The following NNMT variants were observed in gnomAD, a reference collection of about 807,000 sequenced individuals.
NNMT encodes the protein nicotinamide N-methyltransferase.
In NNMT, 10 loss-of-function variants were observed where a neutral mutation model predicts 11.7. The observed-to-expected ratio is 0.85, with a 90% CI of 0.53 to 1.45. The LOEUF (loss-of-function observed/expected upper bound fraction) is 1.45, where lower values mean the gene tolerates loss of function less well. Among genes scored for constraint, NNMT ranks in the 40% most tolerant of loss-of-function variants. The probability of loss-of-function intolerance (pLI) is 0.00; values close to 1 mark genes in which losing one functional copy is unlikely to be tolerated. For synonymous variants in NNMT, 143 were observed against 133.8 expected (o/e 1.07, Z -0.48); for missense variants, 381 against 319.4 (o/e 1.19, Z -1.47).
rs144681988 is a variant in NNMT, at chr11:114,272,985, G to A, written c.-130+10051G>A. 2.4e-4 allele frequency among the ~76,000 whole-genome samples: 37 copies of A among 152,298 alleles called. No homozygotes were observed. The East Asian group carries it at 3.7e-3, about 15-fold the overall frequency. Reference sequence around the variant, plus strand: ...TGAAGAGTAGCAGCAGAACCCAGGCGTGAATGAGCATGCTAAGTTCAATAG... The same window carrying A: ...TGAAGAGTAGCAGCAGAACCCAGGCATGAATGAGCATGCTAAGTTCAATAG... On this transcript the variant is annotated intron_variant, in intron 2 of 4. Coordinates refer to the NNMT transcript ENST00000535401.
intron 2 of NNMT, among the ~76,000 whole-genome samples, chr11:114,309,731 T>C (rs1945532413): frequency 6.6e-6 from 1 of 152,204 alleles, no homozygotes. Context: ...TTTTACAACA[T>C]TTTCATAATT....
At chr11:114,288,024 C>T (rs1406794672) in intron 2 of NNMT, among the ~76,000 whole-genome samples, 1 of 152,100 alleles carries the variant, frequency 6.6e-6, no homozygotes, top group Non-Finnish European at 1.5e-5. Context: ...TTTTAAATTT[C>T]ATTGTATAGC....
chr11:114,261,900 G>A (rs1367996586), intron 1 of NNMT, among the ~76,000 whole-genome samples: 1 of 152,160 alleles, frequency 6.6e-6, no homozygotes, highest in Non-Finnish European at 1.5e-5. Context: ...GATACGCGAG[G>A]CCTCATCTTG....
intron 2 of NNMT, chr11:114,269,551 A>G (rs533893182): frequency 6.6e-6 from 1 of 152,388 alleles, no homozygotes; most frequent in Admixed American, 6.5e-5. Flanking sequence ...CTCATCCCTT[A>G]TAAATTTGAC....
intron 2 of NNMT, among the ~76,000 whole-genome samples, chr11:114,288,374 T>C (rs1945312972): frequency 6.6e-6 from 1 of 152,186 alleles, no homozygotes; most frequent in African/African-American, 2.4e-5. Flanking sequence ...ATTAAGGAAG[T>C]CTTATTCTAT....
chr11:114,290,212 C>T (rs1324863031), intron 2 of NNMT, among the ~76,000 whole-genome samples: 1 of 152,140 alleles, frequency 6.6e-6, no homozygotes, highest in Non-Finnish European at 1.5e-5. Context: ...TCCATTAAAT[C>T]AAGTTGGTTA....
exon 1 of NNMT, chr11:114,257,859 C>G (rs545610541): frequency 6.5e-6 from 1 of 152,808 alleles, no homozygotes; most frequent in Non-Finnish European, 1.5e-5. Flanking sequence ...CGCGGCGGCG[C>G]GGGCGCTGGG....
At chr11:114,282,911 C>T (rs146839655) in intron 2 of NNMT, among the ~76,000 whole-genome samples, 12 of 152,342 alleles carry the variant, frequency 7.9e-5, no homozygotes, top group African/African-American at 2.9e-4. Flanking sequence ...CTCACTGATA[C>T]TGATATGCAT....
intron 2 of NNMT, among the ~76,000 whole-genome samples, chr11:114,267,640 T>C (rs1945132013): frequency 6.6e-6 from 1 of 152,238 alleles, no homozygotes; most frequent in Admixed American, 6.5e-5. Flanking sequence ...TCATCCAGAT[T>C]CTGCCACACT....
chr11:114,300,794 T>C (rs1945430895), intron 2 of NNMT, among the ~76,000 whole-genome samples: 1 of 152,208 alleles, frequency 6.6e-6, no homozygotes, highest in Non-Finnish European at 1.5e-5. Context: ...TTTCCAGCAA[T>C]GTATTTGTCT....
At position 114,263,755 on chromosome 11, in the gene NNMT, C is replaced by A. The variant is rs193150893; in HGVS notation, c.-130+821C>A. Among the ~76,000 whole-genome samples, 406 of 152,332 alleles carry A rather than the reference C, an allele frequency of 2.7e-3. 2 individuals are homozygous for A. The highest frequency in any genetic ancestry group is 9.5e-3 in the African/African-American group (394 of 41,560). ...AAAGGCAGAAGCCTGGACTTCCTCC[C>A]CTAAGCTAAACTTTGGAATAAAGTC... On this transcript the variant is annotated intron_variant, in intron 2 of 4. Coordinates refer to the NNMT transcript ENST00000535401.
At chr11:114,271,874 T>A (rs999541461) in intron 2 of NNMT, among the ~76,000 whole-genome samples, 4 of 148,358 alleles carry the variant, frequency 2.7e-5, no homozygotes, top group Non-Finnish European at 6.0e-5. Flanking sequence ...TAGAAGAGAG[T>A]GCAGTACAGT....
chr11:114,305,456 G>A (rs1054443505), intron 2 of NNMT, among the ~76,000 whole-genome samples: 2 of 151,442 alleles, frequency 1.3e-5, no homozygotes, highest in Non-Finnish European at 2.9e-5. Context: ...CCATTAACTC[G>A]TCATTTACAT....
intron 1 of NNMT, chr11:114,257,910 TTG>T (rs1945043368): frequency 6.6e-6 from 1 of 152,574 alleles, no homozygotes; most frequent in African/African-American, 2.4e-5. Context: ...TGAATGGGCT[TTG>T]TGTGACCGCC....
At chr11:114,304,715 A>C (rs1159641765) in intron 2 of NNMT, among the ~76,000 whole-genome samples, 1 of 152,118 alleles carries the variant, frequency 6.6e-6, no homozygotes, top group Non-Finnish European at 1.5e-5. Flanking sequence ...AGTGGTGCAC[A>C]CCCGTATTCC....
At chr11:114,309,051 T>A (rs1195208139) in intron 2 of NNMT, among the ~76,000 whole-genome samples, 1 of 152,194 alleles carries the variant, frequency 6.6e-6, no homozygotes, top group Non-Finnish European at 1.5e-5. Flanking sequence ...TCTGCTTCTG[T>A]TGGAATCAAA....
intron 2 of NNMT, 53 bp from the exon 3 acceptor site, chr11:114,311,992 G>T (rs1945552958): frequency 6.6e-7 from 1 of 1,514,860 alleles, no homozygotes; most frequent in Admixed American, 2.2e-5. Flanking sequence ...CAAGAGATCT[G>T]GGTTCCCCAT....
chr11:114,275,513 C>T (rs561240657), intron 2 of NNMT, among the ~76,000 whole-genome samples: 11 of 152,226 alleles, frequency 7.2e-5, no homozygotes, highest in Admixed American at 2.0e-4. Flanking sequence ...GCAGGGTTGG[C>T]GGTCCCTAGG....
At chr11:114,296,274 G>A, upstream of NNMT, 1 of 288,404 alleles carries the variant, frequency 3.5e-6, no homozygotes, top group African/African-American at 2.1e-5. Context: ...CCTTGGGCAA[G>A]CATTGCATAC....
Sources: gnomAD v4.1 joint callset for allele counts (sites outside exome capture counted in the v4.1 genomes callset) on GRCh38, gnomAD v4.1.1 for gene constraint, MANE v1.5 for transcripts, NCBI Gene and HGNC (gene_info 2026-07-23, HGNC 2026-07-21) for gene names.